Variants in LRRC4C observed in about 807,000 individuals in gnomAD.
The protein encoded by LRRC4C is leucine rich repeat containing 4C.
In LRRC4C, 5 loss-of-function variants were observed where a neutral mutation model predicts 33.6. The observed-to-expected ratio is 0.15, with a 90% confidence interval of 0.08 to 0.31. The LOEUF (loss-of-function observed/expected upper bound fraction) is 0.31. Among genes scored for constraint, LRRC4C ranks in the 10% least tolerant of loss-of-function variants. The pLI, the probability that LRRC4C is intolerant of heterozygous loss-of-function variation, is 1.00. For synonymous variants in LRRC4C, 329 were observed against 302.0 expected, an observed-to-expected ratio of 1.09 and a Z score of -0.93; for missense variants, 560 against 796.7, an observed-to-expected ratio of 0.70 and a Z score of 3.58.
At chr11:40,817,900 T>G (rs1951770586) in intron 2 of LRRC4C, among the ~76,000 whole-genome samples, 1 of 152,110 alleles carries the variant, frequency 6.6e-6, no homozygotes. Context: ...TAACACACAT[T>G]GCTGTCTGCA....
intron 5 of LRRC4C, among the ~76,000 whole-genome samples, chr11:40,226,509 G>A (rs1864808212): frequency 6.6e-6 from 1 of 152,152 alleles, no homozygotes; most frequent in Non-Finnish European, 1.5e-5. Flanking sequence ...TGCCCAATAA[G>A]ATGAAAAATA....
At chr11:40,635,828 A>C (rs1187200071) in intron 3 of LRRC4C, among the ~76,000 whole-genome samples, 2 of 151,110 alleles carry the variant, frequency 1.3e-5, no homozygotes, top group Non-Finnish European at 2.9e-5. Flanking sequence ...TTTAGTAGAG[A>C]CGGGGTTTCT....
chr11:40,163,901 A>G (rs1194044595), intron 5 of LRRC4C, among the ~76,000 whole-genome samples: 2 of 152,178 alleles, frequency 1.3e-5, no homozygotes, highest in East Asian at 1.9e-4. Context: ...ATTTGTTTCT[A>G]TAACATAAAC....
rs542855916 is a variant in LRRC4C, at chr11:40,838,370, A to G, written c.-407+95265T>C. ...ATGAAAATGTTTTGTCTCTCAGAAT[A>G]TCTTCTTCTGGGATCTGGCCATTCA... On this transcript the variant is annotated intron_variant, in intron 2 of 6. Coordinates refer to ENST00000528697, the MANE Select transcript of LRRC4C (RefSeq NM_001258419.2). 2.5e-4 allele frequency among the ~76,000 whole-genome samples: 38 copies of G among 152,294 alleles called. No individual in the cohort carries two copies. The South Asian group carries it at 7.7e-3, about 31-fold the overall frequency.
At chr11:40,657,620 A>G (rs1012458225) in intron 2 of LRRC4C, among the ~76,000 whole-genome samples, 9 of 152,214 alleles carry the variant, frequency 5.9e-5, no homozygotes, top group South Asian at 2.1e-4. Flanking sequence ...CCTCTCCCAG[A>G]TTGGAGTCTT....
intron 5 of LRRC4C, among the ~76,000 whole-genome samples, chr11:40,218,692 A>AATCTATC (rs1220967109): frequency 1.4e-5 from 2 of 140,014 alleles, no homozygotes; most frequent in African/African-American, 5.3e-5. Flanking sequence ...AATGATAAAG[A>AATCTATC]ATCTATCTAT....
chr11:41,043,651 A>G (rs61877003), intron 1 of LRRC4C, among the ~76,000 whole-genome samples: 1 of 150,038 alleles, frequency 6.7e-6, no homozygotes, highest in East Asian at 2.0e-4. Context: ...AAAAAAAAAA[A>G]TTAAGCAACT....
intron 2 of LRRC4C, among the ~76,000 whole-genome samples, chr11:40,900,120 T>A (rs1054132028): frequency 4.6e-5 from 7 of 152,156 alleles, no homozygotes; most frequent in Non-Finnish European, 1.0e-4. Flanking sequence ...TTATACTAAT[T>A]AGAGCTTTCC....
At chr11:40,670,787 G>A (rs1944051478) in intron 2 of LRRC4C, among the ~76,000 whole-genome samples, 1 of 152,018 alleles carries the variant, frequency 6.6e-6, no homozygotes, top group Admixed American at 6.6e-5. Context: ...TTTTTGAGAC[G>A]GAGCATCGCT....
chr11:41,380,139 A>T (rs1953088796), intron 1 of LRRC4C, among the ~76,000 whole-genome samples: 2 of 152,178 alleles, frequency 1.3e-5, no homozygotes, highest in African/African-American at 4.8e-5. Flanking sequence ...AGAGTAGCTA[A>T]TTTAAAAATA....
At chr11:40,324,622 G>C (rs753053497) in intron 3 of LRRC4C, among the ~76,000 whole-genome samples, 1 of 152,190 alleles carries the variant, frequency 6.6e-6, no homozygotes, top group Non-Finnish European at 1.5e-5. Flanking sequence ...GGCTAGGCAA[G>C]GTCCTGGCTC....
chr11:40,231,954 C>T (rs757680832), intron 5 of LRRC4C, among the ~76,000 whole-genome samples: 4 of 152,070 alleles, frequency 2.6e-5, no homozygotes, highest in Non-Finnish European at 5.9e-5. Context: ...TATTTTTAAT[C>T]AAGACACTAG....
chr11:40,828,118 G>T (rs879795038), intron 2 of LRRC4C, among the ~76,000 whole-genome samples: 1 of 149,150 alleles, frequency 6.7e-6, no homozygotes, highest in Non-Finnish European at 1.5e-5. Flanking sequence ...AAAACGATAT[G>T]TATACTGCCC....
At chr11:40,787,239 C>T (rs1421150877) in intron 2 of LRRC4C, among the ~76,000 whole-genome samples, 2 of 150,292 alleles carry the variant, frequency 1.3e-5, no homozygotes, top group East Asian at 3.9e-4. Flanking sequence ...GTCTGTCACA[C>T]ATTGTTCTGT....
chr11:40,251,819 T>C (rs1255398974), intron 4 of LRRC4C, among the ~76,000 whole-genome samples: 1 of 152,192 alleles, frequency 6.6e-6, no homozygotes, highest in Non-Finnish European at 1.5e-5. Flanking sequence ...GGATTCTCAC[T>C]GCAGCATTTT....
At chr11:41,291,483 C>T (rs191487220) in intron 1 of LRRC4C, among the ~76,000 whole-genome samples, 1 of 152,170 alleles carries the variant, frequency 6.6e-6, no homozygotes, top group African/African-American at 2.4e-5. Context: ...TGAATTTTTA[C>T]TGCAAAATTT....
intron 2 of LRRC4C, among the ~76,000 whole-genome samples, chr11:40,696,195 A>G (rs1218900353): frequency 6.7e-6 from 1 of 148,552 alleles, no homozygotes; most frequent in African/African-American, 2.5e-5. Flanking sequence ...TGCTACAGGC[A>G]CATGAAGTAT....
intron 1 of LRRC4C, among the ~76,000 whole-genome samples, chr11:41,147,847 TG>T (rs1943798079): frequency 6.6e-6 from 1 of 152,102 alleles, no homozygotes. Flanking sequence ...CCCAATACTT[TG>T]GGAGGCTGAG....
intron 1 of LRRC4C, among the ~76,000 whole-genome samples, chr11:41,021,374 A>G (rs1855975894): frequency 6.6e-6 from 1 of 151,978 alleles, no homozygotes; most frequent in East Asian, 1.9e-4. Context: ...CTCCTTTCCT[A>G]TAGCTCTAAT....
Sources: gnomAD v4.1 joint callset for allele counts (sites outside exome capture counted in the v4.1 genomes callset) on GRCh38, gnomAD v4.1.1 for gene constraint, MANE v1.5 for transcripts, NCBI Gene and HGNC (gene_info 2026-07-23, HGNC 2026-07-21) for gene names.